The following CEP63 variants were observed in gnomAD, a reference collection of about 807,000 sequenced individuals.
The protein encoded by CEP63 is centrosomal protein 63, also known as centrosomal protein of 63 kDa.
In CEP63, 84 loss-of-function variants were observed where a neutral mutation model predicts 89.1. That is an observed-to-expected ratio of 0.94 (90% CI 0.79 to 1.13). The LOEUF is 1.13. CEP63 is among the 50% of genes most tolerant of loss of function. The pLI is 0.00. For synonymous variants in CEP63, 267 were observed against 272.5 expected, an observed-to-expected ratio of 0.98 and a Z score of 0.20; for missense variants, 838 against 813.3, an observed-to-expected ratio of 1.03 and a Z score of -0.37.
the CEP63 span, among the ~76,000 whole-genome samples, chr3:134,671,011 A>G: frequency 6.6e-6 from 1 of 152,224 alleles, no homozygotes; most frequent in African/African-American, 2.4e-5. Context: ...GTAAAAGTCT[A>G]AAAAATGAAT....
chr3:134,672,653 C>T, the CEP63 span, among the ~76,000 whole-genome samples: 1 of 152,194 alleles, frequency 6.6e-6, no homozygotes, highest in Non-Finnish European at 1.5e-5. Context: ...TCATAAATGG[C>T]TTCTCTTCCC....
the CEP63 span, among the ~76,000 whole-genome samples, chr3:134,633,162 T>C: frequency 5.3e-5 from 8 of 152,052 alleles, no homozygotes; most frequent in Admixed American, 5.2e-4. Context: ...GCTTCAGTGG[T>C]AAATTCTAAC....
chr3:134,489,947 G>A (rs1284140283), intron 1 of CEP63, among the ~76,000 whole-genome samples: 1 of 152,136 alleles, frequency 6.6e-6, no homozygotes, highest in Non-Finnish European at 1.5e-5. Context: ...GCTCCTTAAA[G>A]TTGGCTCCTA....
chr3:134,533,632 C>T (rs1950247516), intron 5 of CEP63, among the ~76,000 whole-genome samples: 2 of 152,200 alleles, frequency 1.3e-5, no homozygotes, highest in South Asian at 2.1e-4. Context: ...TCTGTCCTTG[C>T]CATTAGTTCT....
At chr3:134,711,917 C>T in the CEP63 span, among the ~76,000 whole-genome samples, 1 of 152,056 alleles carries the variant, frequency 6.6e-6, no homozygotes, top group Admixed American at 6.5e-5. Flanking sequence ...CATGTGCCAC[C>T]ATGCCCGGCT....
chr3:134,547,400 T>C lies in CEP63; in HGVS notation c.995T>C (p.Val332Ala), dbSNP rs1174819119. 1.9e-6 allele frequency: 3 copies of C among 1,613,718 alleles called. No homozygotes were observed. Among genetic ancestry groups the C allele is most frequent in the African/African-American group, 1.3e-5 (1 of 74,908 alleles). ...CAAGGGCAGGGGGACTTAGACAGTG[T>C]GCTCTCCCAGTTGAATTTTACCCAT... ...TSQGQGDLDS[V>A]LSQLNFTHTS... is the part of the protein sequence containing the mutation. Residue 332 changes from valine (V) to alanine (A), a missense_variant, in exon 9 of 15, where the codon GTG becomes GCG. Val to Ala is a moderately conservative substitution (Grantham distance 64, BLOSUM62 0). Coordinates refer to ENST00000675561, the MANE Select transcript of CEP63 (RefSeq NM_001353108.3).
the CEP63 span, among the ~76,000 whole-genome samples, chr3:134,760,525 T>A: frequency 6.6e-6 from 1 of 152,152 alleles, no homozygotes; most frequent in East Asian, 1.9e-4. Flanking sequence ...GACAGCATGG[T>A]CCCAAGCTAG....
Position 134,549,046 on chromosome 3 carries a change from T to A in CEP63, c.1068-16T>A. Reference sequence around the variant, plus strand: ...GATTTTGGTTTTAAGTATGGGATCTTATTTTTGTCATACAGTTTGGAATCT... The same window carrying A: ...GATTTTGGTTTTAAGTATGGGATCTAATTTTTGTCATACAGTTTGGAATCT... On this transcript the variant is annotated splice_polypyrimidine_tract_variant and intron_variant, in intron 9 of 14. Transcript: ENST00000675561. The A allele has an allele frequency of 6.4e-7, 1 of 1,559,964 alleles. No homozygotes were observed. Among genetic ancestry groups the A allele is most frequent in the Middle Eastern group, 1.7e-4 (1 of 5,952 alleles).
the CEP63 span, among the ~76,000 whole-genome samples, chr3:134,696,259 C>T: frequency 3.0e-4 from 45 of 152,316 alleles, no homozygotes; most frequent in East Asian, 5.8e-3. Flanking sequence ...CTTGAATTGC[C>T]GCCTTCATCT....
At chr3:134,652,469 G>A in the CEP63 span, among the ~76,000 whole-genome samples, 1 of 107,252 alleles carries the variant, frequency 9.3e-6, no homozygotes, top group Non-Finnish European at 1.8e-5. Flanking sequence ...CCCACCCCCT[G>A]ACTCACCCAC....
At chr3:134,589,261 A>C (rs1326847362), downstream of CEP63, among the ~76,000 whole-genome samples, 1 of 152,224 alleles carries the variant, frequency 6.6e-6, no homozygotes, top group East Asian at 1.9e-4. Flanking sequence ...AGACAAGTAC[A>C]GACTCTCTTA....
chr3:134,744,646 C>T, the CEP63 span, among the ~76,000 whole-genome samples: 1 of 152,168 alleles, frequency 6.6e-6, no homozygotes, highest in East Asian at 1.9e-4. Flanking sequence ...TCCTGAGTAG[C>T]TGGTACTACA....
the CEP63 span, among the ~76,000 whole-genome samples, chr3:134,760,419 T>G: frequency 6.6e-6 from 1 of 152,112 alleles, no homozygotes; most frequent in African/African-American, 2.4e-5. Flanking sequence ...GACCTTTATC[T>G]CCATTCTTCA....
the CEP63 span, among the ~76,000 whole-genome samples, chr3:134,645,313 G>A: frequency 2.6e-5 from 4 of 152,306 alleles, no homozygotes; most frequent in South Asian, 4.1e-4. Context: ...CAGTGTTCCA[G>A]CCCAAGCAGT....
intron 11 of CEP63, among the ~76,000 whole-genome samples, chr3:134,572,061 A>G (rs144679875): frequency 1.3e-5 from 2 of 152,334 alleles, no homozygotes; most frequent in African/African-American, 4.8e-5. Flanking sequence ...ACCCAAGTTC[A>G]TGGAACCCTA....
chr3:134,615,435 C>T, the CEP63 span: 2 of 146,658 alleles, frequency 1.4e-5, no homozygotes, highest in Non-Finnish European at 3.0e-5. Flanking sequence ...TCATAGCTGA[C>T]ATGGTAAGTT....
chr3:134,715,036 T>C, the CEP63 span, among the ~76,000 whole-genome samples: 1 of 152,332 alleles, frequency 6.6e-6, no homozygotes, highest in East Asian at 1.9e-4. Flanking sequence ...TGCTGGAGCA[T>C]AGCTTCTAGG....
rs539871440 is a variant in CEP63 at position 134,486,517 on chromosome 3, CG to C, written c.-26+317del. On this transcript the variant is annotated intron_variant, in intron 1 of 14. Transcript: ENST00000675561. The stretch of plus-strand genomic sequence containing the variant: ...CCCCGCCAGGTGGTCAGCCCTTCCT[CG>C]GAGTCCAGGTGGCTGGGGGCGCTTC... The C allele has an allele frequency of 5.0e-3, 4,901 of 985,834 alleles. 14 individuals carry two copies. The highest frequency in any genetic ancestry group is 5.4e-3 in the Non-Finnish European group (4,512 of 830,250). The allele number at this position is 985,834 out of a possible 1,614,324, so 61.1% of individuals were successfully genotyped here. A position where few individuals can be genotyped will look rare whatever the true frequency, so the allele number is the denominator to read the frequency against.
chr3:134,567,273 T>C (rs1309120767), downstream of CEP63, among the ~76,000 whole-genome samples: 1 of 142,086 alleles, frequency 7.0e-6, no homozygotes, highest in Admixed American at 7.1e-5. Flanking sequence ...AAGGTTGGGG[T>C]GGGAAATGGG....
Sources: gnomAD v4.1 joint callset for allele counts (sites outside exome capture counted in the v4.1 genomes callset) on GRCh38, gnomAD v4.1.1 for gene constraint, MANE v1.5 for transcripts, NCBI Gene and HGNC (gene_info 2026-07-23, HGNC 2026-07-21) for gene names.